FER: variants seen among roughly 807,000 people sequenced by gnomAD.
FER encodes the protein tyrosine-protein kinase Fer.
A neutral mutation model predicts 111.0 loss-of-function variants in FER; 63 were observed. The ratio of observed to expected loss-of-function variants is 0.57; its 90% CI spans 0.46 to 0.70. The LOEUF (loss-of-function observed/expected upper bound fraction) is 0.70. FER is among the 30% of genes least tolerant of loss of function. The pLI is 0.00. For missense variants in FER, 914 were observed against 954.0 expected, an observed-to-expected ratio of 0.96 and a Z score of 0.55; for synonymous variants, 327 against 313.9, an observed-to-expected ratio of 1.04 and a Z score of -0.44.
At chr5:108,985,354 C>G (rs1294896443) in intron 13 of FER, among the ~76,000 whole-genome samples, 1 of 152,004 alleles carries the variant, frequency 6.6e-6, no homozygotes, top group East Asian at 1.9e-4. Flanking sequence ...ACTCTTTGAC[C>G]TTTTAATATT....
At chr5:108,992,698 C>T (rs531295470) in intron 13 of FER, among the ~76,000 whole-genome samples, 1 of 150,700 alleles carries the variant, frequency 6.6e-6, no homozygotes, top group Non-Finnish European at 1.5e-5. Flanking sequence ...ACCTCCCTCC[C>T]GGATGGGGTG....
intron 10 of FER, among the ~76,000 whole-genome samples, chr5:108,931,813 A>G (rs1284395204): frequency 6.6e-6 from 1 of 152,100 alleles, no homozygotes; most frequent in Non-Finnish European, 1.5e-5. Context: ...CTAGGCGACA[A>G]GAATGAAACT....
chr5:108,952,284 G>A (rs3797819), intron 11 of FER, among the ~76,000 whole-genome samples: 21,268 of 151,892 alleles, frequency 0.14, 1,911 homozygotes, highest in African/African-American at 0.25. Context: ...TGTCATTATG[G>A]TGGGCTCTTG....
At chr5:108,953,011 C>T (rs1270899472) in intron 11 of FER, among the ~76,000 whole-genome samples, 1 of 151,608 alleles carries the variant, frequency 6.6e-6, no homozygotes, top group Non-Finnish European at 1.5e-5. Flanking sequence ...AGCAGTTTTG[C>T]TATTGGTGAG....
At chr5:108,833,460 A>T (rs1020099861) in intron 4 of FER, among the ~76,000 whole-genome samples, 5 of 149,818 alleles carry the variant, frequency 3.3e-5, no homozygotes, top group Admixed American at 2.7e-4. Flanking sequence ...TCACCTGAAT[A>T]GTCACCGTTT....
chr5:108,771,201 TG>T (rs747215814), intron 2 of FER, among the ~76,000 whole-genome samples: 15 of 152,206 alleles, frequency 9.9e-5, no homozygotes, highest in Non-Finnish European at 1.6e-4. Flanking sequence ...CCCAAAGTGC[TG>T]GGATTACAGA....
intron 16 of FER, among the ~76,000 whole-genome samples, chr5:109,071,024 A>G (rs1048698851): frequency 3.9e-5 from 6 of 152,048 alleles, no homozygotes; most frequent in Non-Finnish European, 8.8e-5. Flanking sequence ...TGTATTTTCT[A>G]TAATTGTGAA....
chr5:108,857,767 C>T (rs1200336347), intron 5 of FER, among the ~76,000 whole-genome samples: 1 of 152,196 alleles, frequency 6.6e-6, no homozygotes, highest in East Asian at 1.9e-4. Context: ...AATGAACTCA[C>T]AGATTCTGAT....
At chr5:108,792,844 G>A (rs990918320) in intron 2 of FER, among the ~76,000 whole-genome samples, 1 of 151,442 alleles carries the variant, frequency 6.6e-6, no homozygotes, top group African/African-American at 2.4e-5. Flanking sequence ...TATTGACCTT[G>A]TACCCTGTAC....
At chr5:109,178,920 T>G (rs1017885686) in intron 17 of FER, among the ~76,000 whole-genome samples, 3 of 152,186 alleles carry the variant, frequency 2.0e-5, no homozygotes, top group African/African-American at 7.2e-5. Flanking sequence ...ATTCACATAT[T>G]TTTTAATTAA....
intron 13 of FER, among the ~76,000 whole-genome samples, chr5:108,990,903 T>C (rs1420827903): frequency 6.6e-6 from 1 of 151,896 alleles, no homozygotes; most frequent in Admixed American, 6.6e-5. Context: ...CTAAAATACC[T>C]AGTACTCTAC....
intron 11 of FER, among the ~76,000 whole-genome samples, chr5:108,950,995 G>A (rs572556733): frequency 2.6e-5 from 4 of 152,042 alleles, no homozygotes; most frequent in Admixed American, 2.6e-4. Flanking sequence ...ATAGGGCCAG[G>A]CATGGTGGCT....
intron 10 of FER, among the ~76,000 whole-genome samples, chr5:108,899,385 A>G (rs1749666868): frequency 6.6e-6 from 1 of 152,110 alleles, no homozygotes; most frequent in East Asian, 1.9e-4. Context: ...TGTTCTTTCA[A>G]AGGAACTTTT....
chr5:109,147,645 T>C (rs1754366551), intron 17 of FER, among the ~76,000 whole-genome samples: 1 of 151,830 alleles, frequency 6.6e-6, no homozygotes, highest in Non-Finnish European at 1.5e-5. Context: ...TGGCAGAAAA[T>C]ATTCACACTA....
chr5:109,069,811 C>G (rs1046770194), intron 16 of FER, among the ~76,000 whole-genome samples: 10 of 152,076 alleles, frequency 6.6e-5, no homozygotes, highest in African/African-American at 2.4e-4. Flanking sequence ...TGTTTGAACT[C>G]TAAGTGGCTA....
At chr5:108,844,093 C>CACAT (rs1554076440) in intron 5 of FER, among the ~76,000 whole-genome samples, 9 of 96,792 alleles carry the variant, frequency 9.3e-5, no homozygotes, top group African/African-American at 2.5e-4. Context: ...TGCGTGTGAA[C>CACAT]ATATGTGTGT....
intron 10 of FER, among the ~76,000 whole-genome samples, chr5:108,929,176 A>G (rs1754207821): frequency 6.6e-6 from 1 of 152,144 alleles, no homozygotes; most frequent in Non-Finnish European, 1.5e-5. Context: ...TCATAAAGGT[A>G]TATATCCTGC....
chr5:108,759,131 G>A (rs1339318510), intron 1 of FER, among the ~76,000 whole-genome samples: 1 of 152,106 alleles, frequency 6.6e-6, no homozygotes, highest in Non-Finnish European at 1.5e-5. Flanking sequence ...TTGTAGTAAG[G>A]CCAGTTTTCA....
chr5:108,849,478 G>GTTGTTA (rs773480769), intron 5 of FER, among the ~76,000 whole-genome samples: 29 of 151,510 alleles, frequency 1.9e-4, no homozygotes, highest in South Asian at 4.2e-4. Flanking sequence ...TGTTGTTGTT[G>GTTGTTA]TTTTGTTTTG....
Sources: allele counts gnomAD v4.1 joint callset (sites outside exome capture counted in the v4.1 genomes callset), GRCh38; gene constraint gnomAD v4.1.1; transcripts MANE v1.5; gene names NCBI Gene and HGNC (gene_info 2026-07-23, HGNC 2026-07-21).